The following ROBO1 variants were observed in gnomAD, a reference collection of about 807,000 sequenced individuals.
ROBO1 encodes the protein roundabout guidance receptor 1.
ROBO1 carries 149 observed loss-of-function variants against 195.9 expected under a neutral mutation model. That is an observed-to-expected ratio of 0.76 (90% confidence interval 0.67 to 0.87). ROBO1 has a LOEUF of 0.87. Ranked by LOEUF, ROBO1 falls within the 40% of genes least tolerant of loss-of-function variation. ROBO1 has a pLI of 0.00. For missense variants in ROBO1, 1,933 were observed against 2,068.3 expected (o/e 0.93, Z 1.27); for synonymous variants, 816 against 733.2 (o/e 1.11, Z -1.82).
At chr3:79,133,855 G>A (rs1433100864) in intron 2 of ROBO1, among the ~76,000 whole-genome samples, 2 of 148,462 alleles carry the variant, frequency 1.3e-5, no homozygotes, top group Admixed American at 6.8e-5. Flanking sequence ...TGTACAGATG[G>A]GTTTTCGGTG....
intron 8 of ROBO1, among the ~76,000 whole-genome samples, chr3:78,694,187 T>C (rs1478420242): frequency 6.6e-6 from 1 of 152,186 alleles, no homozygotes; most frequent in Non-Finnish European, 1.5e-5. Flanking sequence ...AATATATATT[T>C]AAAATACTAG....
intron 27 of ROBO1, among the ~76,000 whole-genome samples, chr3:78,616,049 T>C (rs2107375510): frequency 6.6e-6 from 1 of 152,302 alleles, no homozygotes; most frequent in South Asian, 2.1e-4. Context: ...TACATATCCA[T>C]GAAAACAGAG....
At chr3:78,949,175 G>A (rs1446513412) in intron 3 of ROBO1, among the ~76,000 whole-genome samples, 1 of 136,862 alleles carries the variant, frequency 7.3e-6, no homozygotes, top group African/African-American at 3.0e-5. Flanking sequence ...AAGTTCATAT[G>A]GAACCAAAAA....
intron 3 of ROBO1, among the ~76,000 whole-genome samples, chr3:78,972,502 C>T (rs926538124): frequency 6.6e-6 from 1 of 152,122 alleles, no homozygotes; most frequent in Non-Finnish European, 1.5e-5. Context: ...CTGGTCAGGG[C>T]TGTACTAACT....
intron 2 of ROBO1, among the ~76,000 whole-genome samples, chr3:79,146,798 A>G (rs530053678): frequency 5.4e-4 from 82 of 151,996 alleles, no homozygotes; most frequent in Non-Finnish European, 1.5e-4. Flanking sequence ...AAATTAACAT[A>G]GATCTTAGTT....
intron 2 of ROBO1, among the ~76,000 whole-genome samples, chr3:79,154,719 G>A (rs2080829325): frequency 6.6e-6 from 1 of 151,542 alleles, no homozygotes; most frequent in South Asian, 2.1e-4. Flanking sequence ...GAAAAAAAAG[G>A]CAAGTTTTAA....
At chr3:79,365,281 A>G (rs917398988) in intron 2 of ROBO1, among the ~76,000 whole-genome samples, 2 of 152,134 alleles carry the variant, frequency 1.3e-5, no homozygotes, top group Non-Finnish European at 2.9e-5. Flanking sequence ...CAAAGCCACA[A>G]CTGTGTATCA....
chr3:78,951,422 G>A lies in ROBO1; in HGVS notation c.173-12495C>T, dbSNP rs192716812. Among the ~76,000 whole-genome samples, 5 of 151,954 alleles carry A rather than the reference G, an allele frequency of 3.3e-5. No homozygotes were observed. The East Asian group carries it at 9.7e-4, about 29-fold the overall frequency. ...AATTTGTACATATTTTATGTAATAA[G>A]ATACAAAATTTCTATCCCAATTGGC... On this transcript the variant is annotated intron_variant, in intron 3 of 30. Transcript: ENST00000464233.
At chr3:78,659,657 A>AT (rs1707256973) in intron 17 of ROBO1, 29 bp downstream of exon 17, 5 of 1,373,210 alleles carry the variant, frequency 3.6e-6, no homozygotes, top group African/African-American at 1.6e-5. Context: ...CCATCAGGAC[A>AT]TTAATATATA....
intron 2 of ROBO1, among the ~76,000 whole-genome samples, chr3:79,309,857 T>C (rs2109090028): frequency 6.6e-6 from 1 of 152,324 alleles, no homozygotes; most frequent in African/African-American, 2.4e-5. Context: ...TTATTATGGC[T>C]ATGTATAATA....
In ROBO1 at chr3:78,668,228, C is replaced by T; in HGVS notation, c.1705G>A (p.Val569Met). ...ACTGTATTTCTGCTGACATCTGTCA[C>T]TTCAGGTTTTGATGGGGCACTAGGG... is the stretch of plus-strand genomic sequence containing the variant. ...LIPSAPSKPE[V>M]TDVSRNTVTL... The change falls in exon 13 of 31, where the codon GTG becomes ATG. Residue 569 changes from valine to methionine, a missense_variant. Coordinates refer to ENST00000464233, the MANE Select transcript of ROBO1 (RefSeq NM_002941.4). The T allele has an allele frequency of 6.2e-7, 1 of 1,613,550 alleles. No individual in the cohort carries two copies. The highest frequency in any genetic ancestry group is 8.5e-7 in the Non-Finnish European group (1 of 1,179,512).
intron 2 of ROBO1, among the ~76,000 whole-genome samples, chr3:79,128,613 C>A (rs1252239321): frequency 6.6e-6 from 1 of 152,032 alleles, no homozygotes; most frequent in Non-Finnish European, 1.5e-5. Flanking sequence ...TCCATACAAA[C>A]CAATAAGGCA....
intron 4 of ROBO1, among the ~76,000 whole-genome samples, chr3:78,908,371 T>A (rs149595598): frequency 1.0e-3 from 154 of 152,052 alleles, no homozygotes; most frequent in Non-Finnish European, 1.7e-3. Context: ...ACTAAGGAAC[T>A]GCTAATCATC....
At chr3:79,317,316 T>A (rs76582596) in intron 2 of ROBO1, among the ~76,000 whole-genome samples, 3,822 of 152,234 alleles carry the variant, frequency 0.025, 140 homozygotes, top group African/African-American at 0.081. Flanking sequence ...CCTATTTTCA[T>A]AGCCTTCTTC....
chr3:79,440,566 C>G (rs2039019833), intron 2 of ROBO1, among the ~76,000 whole-genome samples: 1 of 152,108 alleles, frequency 6.6e-6, no homozygotes, highest in Non-Finnish European at 1.5e-5. Flanking sequence ...TCCTTGTCCT[C>G]AAACAAGCTC....
intron 4 of ROBO1, among the ~76,000 whole-genome samples, chr3:78,832,425 A>G (rs950352334): frequency 1.3e-5 from 2 of 152,152 alleles, no homozygotes; most frequent in Non-Finnish European, 2.9e-5. Context: ...ACCTTGGTGT[A>G]TCTTACTCCT....
chr3:79,058,014 T>C (rs555780246), intron 3 of ROBO1, among the ~76,000 whole-genome samples: 26 of 152,090 alleles, frequency 1.7e-4, no homozygotes, highest in African/African-American at 6.0e-4. Flanking sequence ...AGAGATCAGC[T>C]ACAGAGGAAC....
At chr3:79,402,112 A>G (rs1457828476) in intron 2 of ROBO1, among the ~76,000 whole-genome samples, 3 of 151,878 alleles carry the variant, frequency 2.0e-5, no homozygotes, top group Non-Finnish European at 4.4e-5. Flanking sequence ...CTCAAAATAC[A>G]ACGTAATTTT....
chr3:79,569,681 GTGTGTGTGTATATATATA>G (rs1943212299), intron 2 of ROBO1, among the ~76,000 whole-genome samples: 1 of 148,982 alleles, frequency 6.7e-6, no homozygotes, highest in African/African-American at 2.5e-5. Flanking sequence ...GTGTATATAT[GTGTGTGTGTATATATATA>G]TGTGTGTGTG....
Sources: gnomAD v4.1 joint callset for allele counts (sites outside exome capture counted in the v4.1 genomes callset) on GRCh38, gnomAD v4.1.1 for gene constraint, MANE v1.5 for transcripts, NCBI Gene and HGNC (gene_info 2026-07-23, HGNC 2026-07-21) for gene names.